MYO6: variants seen among roughly 807,000 people sequenced by gnomAD.
MYO6 encodes unconventional myosin-VI.
MYO6 carries 74 observed loss-of-function variants against 178.7 expected under a neutral mutation model. The ratio of observed to expected loss-of-function variants is 0.41; its 90% CI spans 0.34 to 0.50. The LOEUF is 0.50. Among genes scored for constraint, MYO6 ranks in the 20% least tolerant of loss-of-function variants. MYO6 has a pLI of 0.09. For missense variants in MYO6, 1,330 were observed against 1,547.4 expected (o/e 0.86, Z 2.36); for synonymous variants, 477 against 504.6 (o/e 0.95, Z 0.73).
chr6:75,899,349 C>A (rs1344191339), intron 30 of MYO6, among the ~76,000 whole-genome samples: 3 of 148,528 alleles, frequency 2.0e-5, no homozygotes, highest in Non-Finnish European at 3.0e-5. Context: ...CCTCTTCTTT[C>A]AAAAGAAAAG....
intron 19 of MYO6, among the ~76,000 whole-genome samples, chr6:75,872,755 A>C (rs537624397): frequency 1.3e-5 from 2 of 152,154 alleles, no homozygotes; most frequent in South Asian, 4.1e-4. Flanking sequence ...TAAGCTTTAA[A>C]GCAGAAAAAG....
chr6:75,880,460 T>C (rs1423801190), intron 22 of MYO6, among the ~76,000 whole-genome samples: 1 of 152,218 alleles, frequency 6.6e-6, no homozygotes, highest in Non-Finnish European at 1.5e-5. Flanking sequence ...CCAACACTAA[T>C]GATAGCTGAT....
intron 10 of MYO6, among the ~76,000 whole-genome samples, chr6:75,847,119 A>G (rs890140961): frequency 3.3e-5 from 5 of 152,098 alleles, no homozygotes; most frequent in Non-Finnish European, 7.4e-5. Context: ...ACAGTTTTTA[A>G]ATGAAGCAAT....
chr6:75,910,733 C>CA (rs1780697644), intron 32 of MYO6, among the ~76,000 whole-genome samples: 1 of 151,992 alleles, frequency 6.6e-6, no homozygotes, highest in African/African-American at 2.4e-5. Flanking sequence ...CTTCCTCATA[C>CA]AAAATTCATC....
At chr6:75,851,687 CAAAA>C (rs1218174114) in intron 11 of MYO6, among the ~76,000 whole-genome samples, 1 of 151,494 alleles carries the variant, frequency 6.6e-6, no homozygotes, top group Non-Finnish European at 1.5e-5. Context: ...CACACACACA[CAAAA>C]TAAATTAGCT....
chr6:75,835,477 G>A (rs972309730), intron 6 of MYO6, among the ~76,000 whole-genome samples: 1 of 152,090 alleles, frequency 6.6e-6, no homozygotes, highest in African/African-American at 2.4e-5. Context: ...TGTCGCCCAG[G>A]CTGGAGTGCA....
At chr6:75,794,739 ATAAAAAAAAT>A (rs1347962662) in intron 1 of MYO6, among the ~76,000 whole-genome samples, 21 of 133,512 alleles carry the variant, frequency 1.6e-4, no homozygotes, top group African/African-American at 3.2e-4. Context: ...AGCAAAAAAA[ATAAAAAAAAT>A]AAAAAAAAAA....
intron 29 of MYO6, among the ~76,000 whole-genome samples, chr6:75,897,937 G>A (rs720863): frequency 0.34 from 51,408 of 152,002 alleles, 9,586 homozygotes; most frequent in Admixed American, 0.48. Context: ...AAACTCTGAC[G>A]CTGTCAAATA....
At chr6:75,751,440 A>G (rs1239502057) in intron 1 of MYO6, among the ~76,000 whole-genome samples, 2 of 152,190 alleles carry the variant, frequency 1.3e-5, no homozygotes, top group African/African-American at 4.8e-5. Flanking sequence ...TGATATACAT[A>G]TATATTCTTG....
intron 1 of MYO6, among the ~76,000 whole-genome samples, chr6:75,801,478 G>A (rs969081933): frequency 2.0e-5 from 3 of 152,264 alleles, no homozygotes; most frequent in Non-Finnish European, 2.9e-5. Context: ...AAGGAAGACT[G>A]TATGGGCACA....
chr6:75,803,174 C>A (rs943271740), intron 1 of MYO6, among the ~76,000 whole-genome samples: 2 of 152,160 alleles, frequency 1.3e-5, no homozygotes, highest in African/African-American at 4.8e-5. Context: ...TCAGTTCTCA[C>A]AATTCAGATT....
rs6453843 is a variant in MYO6 at position 75,848,768 on chromosome 6, T to G, written c.1078+237T>G. Among the ~76,000 whole-genome samples the G allele has an allele frequency of 0.85, 129,659 of 152,004 alleles. 56,295 individuals carry two copies. Among genetic ancestry groups the G allele is most frequent in the Non-Finnish European group, 0.92 (62,884 of 67,996 alleles). On this transcript the variant is annotated intron_variant, in intron 11 of 34. Transcript: ENST00000369977. ...AGGAATAAACCTCTCATTTTTGAAG[T>G]ATAAATAACTGACTATTTTATCCTG...
intron 1 of MYO6, among the ~76,000 whole-genome samples, chr6:75,761,932 T>A (rs1226678327): frequency 6.6e-6 from 1 of 151,622 alleles, no homozygotes; most frequent in East Asian, 1.9e-4. Flanking sequence ...ATTGTAACAG[T>A]TCTTTTTTTT....
chr6:75,829,670 T>G (rs183083091), intron 4 of MYO6, among the ~76,000 whole-genome samples: 27 of 152,294 alleles, frequency 1.8e-4, no homozygotes, highest in Admixed American at 9.2e-4. Context: ...AAGAACATAT[T>G]TAAGTTTAAA....
At position 75,907,657 on chromosome 6, in the gene MYO6, C is replaced by A; in HGVS notation, c.3229C>A (p.Leu1077Ile). 6.2e-7 allele frequency: 1 copy of A among 1,613,618 alleles called. No individual in the cohort carries two copies. The highest frequency in any genetic ancestry group is 8.5e-7 in the Non-Finnish European group (1 of 1,179,860). ...AGCTGCTGGTACTAAGAAATATGATCTTAGTAAATGGAAATATGCAGAACT... is the reference window on the plus strand; with the variant it reads ...AGCTGCTGGTACTAAGAAATATGATATTAGTAAATGGAAATATGCAGAACT... Reference protein sequence around the residue: ...KAAAGTKKYDLSKWKYAELRD... With the variant: ...KAAAGTKKYDISKWKYAELRD... The change falls in exon 31 of 35, where the codon CTT becomes ATT. Residue 1077 changes from leucine (L) to isoleucine (I), a missense_variant. Around this residue, in one of 3 missense-constraint regions of MYO6, gnomAD observed 601 missense variants for 626.1 expected, o/e 0.96. Coordinates refer to ENST00000369977, the MANE Select transcript of MYO6 (RefSeq NM_004999.4).
At chr6:75,792,289 A>C (rs890798100) in intron 1 of MYO6, among the ~76,000 whole-genome samples, 1 of 152,196 alleles carries the variant, frequency 6.6e-6, no homozygotes, top group South Asian at 2.1e-4. Flanking sequence ...AAATGATTTC[A>C]CTTTATAGAT....
chr6:75,886,852 G>T lies in MYO6; in HGVS notation c.2516G>T (p.Gly839Val), dbSNP rs1778474965. ...CKRRHKPRIDGLVKVGTLKKR... is the reference protein window; with the variant it reads ...CKRRHKPRIDVLVKVGTLKKR... ...AAGTATTATTTTTACAGCATTGATG[G>T]TCTGGTTAAGGTGGGCACACTGAAA... Residue 839 changes from glycine (G) to valine (V), a missense_variant, in exon 25 of 35, where the codon GGT becomes GTT. By Grantham distance (109) the Gly-to-Val change is moderately radical (BLOSUM62 -3). Transcript: ENST00000369977. 2 of 1,613,642 alleles carry T rather than the reference G, an allele frequency of 1.2e-6. No individual in the cohort carries two copies. The highest frequency in any genetic ancestry group is 2.2e-5 in the East Asian group (1 of 44,786).
At chr6:75,751,053 T>C (rs1451264053) in intron 1 of MYO6, among the ~76,000 whole-genome samples, 1 of 152,164 alleles carries the variant, frequency 6.6e-6, no homozygotes, top group African/African-American at 2.4e-5. Flanking sequence ...AACTGGAGAA[T>C]GTTTAGTGAA....
chr6:75,903,659 G>T (rs1473910221), intron 30 of MYO6, among the ~76,000 whole-genome samples: 4 of 151,764 alleles, frequency 2.6e-5, no homozygotes, highest in Non-Finnish European at 5.9e-5. Flanking sequence ...ACAGCACACT[G>T]ATGGGTCTTG....
Sources: allele counts gnomAD v4.1 joint callset (sites outside exome capture counted in the v4.1 genomes callset), GRCh38; gene constraint gnomAD v4.1.1; regional missense constraint gnomAD v4.1.1; transcripts MANE v1.5; gene names NCBI Gene and HGNC (gene_info 2026-07-23, HGNC 2026-07-21).